The following DACH2 variants were observed in gnomAD, a reference collection of about 807,000 sequenced individuals.
DACH2 encodes the protein dachshund family transcription factor 2.
DACH2 carries 17 observed loss-of-function variants against 35.8 expected under a neutral mutation model. That is an observed-to-expected ratio of 0.48 (90% CI 0.33 to 0.71). The LOEUF (loss-of-function observed/expected upper bound fraction) is 0.71. Among genes scored for constraint, DACH2 ranks in the 30% least tolerant of loss-of-function variants. The probability of loss-of-function intolerance (pLI) is 0.02; values close to 1 mark genes in which losing one functional copy is unlikely to be tolerated. For missense variants in DACH2, 469 were observed against 472.7 expected, an observed-to-expected ratio of 0.99 and a Z score of 0.07; for synonymous variants, 195 against 177.3, an observed-to-expected ratio of 1.10 and a Z score of -0.79.
chrX:86,727,816 T>A (rs1488290914), intron 6 of DACH2, among the ~76,000 whole-genome samples: 1 of 111,914 alleles, frequency 8.9e-6, no homozygotes, highest in Non-Finnish European at 1.9e-5. Flanking sequence ...TGCAGACCCA[T>A]GAGCCAATTA....
intron 4 of DACH2, among the ~76,000 whole-genome samples, chrX:86,675,024 A>G (rs2148427907): frequency 9.0e-6 from 1 of 111,713 alleles, no homozygotes; most frequent in African/African-American, 3.2e-5. Flanking sequence ...CTCAAGAACT[A>G]AAAGATTATC....
At chrX:86,587,754 C>T (rs1569447448) in intron 3 of DACH2, among the ~76,000 whole-genome samples, 1 of 111,399 alleles carries the variant, frequency 9.0e-6, no homozygotes, top group Admixed American at 9.6e-5. Context: ...ATTTAAGTTT[C>T]AGATTAGGGA....
At chrX:86,230,223 G>T (rs1003444114) in intron 1 of DACH2, among the ~76,000 whole-genome samples, 1 of 110,896 alleles carries the variant, frequency 9.0e-6, no homozygotes, top group African/African-American at 3.3e-5. Context: ...AGATGATCAC[G>T]TGATTTTTGT....
intron 7 of DACH2, among the ~76,000 whole-genome samples, chrX:86,773,581 A>G (rs2147298081): frequency 8.9e-6 from 1 of 112,227 alleles, no homozygotes; most frequent in East Asian, 2.8e-4. Flanking sequence ...ATTTAAATTT[A>G]TACCTTTAAC....
intron 2 of DACH2, among the ~76,000 whole-genome samples, chrX:86,389,198 G>C (rs1213591814): frequency 8.9e-6 from 1 of 111,913 alleles, no homozygotes; most frequent in African/African-American, 3.2e-5. Flanking sequence ...TGATTGAAAT[G>C]AATAGATGGA....
chrX:86,438,156 A>C (rs1221087993), intron 2 of DACH2, among the ~76,000 whole-genome samples: 5 of 102,595 alleles, frequency 4.9e-5, no homozygotes, highest in Non-Finnish European at 9.8e-5. Context: ...TTCCTTCATT[A>C]GTTTGCTTAG....
At chrX:86,676,715 C>A in intron 4 of DACH2, among the ~76,000 whole-genome samples, 1 of 111,630 alleles carries the variant, frequency 9.0e-6, no homozygotes, top group East Asian at 2.8e-4. Context: ...CATAAAGAGT[C>A]CTCATACTGC....
chrX:86,821,042 CAA>C (rs1382810863), intron 11 of DACH2, among the ~76,000 whole-genome samples: 1 of 111,273 alleles, frequency 9.0e-6, no homozygotes, highest in Admixed American at 9.6e-5. Flanking sequence ...TGTGATATGA[CAA>C]GAGAAACTAA....
intron 1 of DACH2, among the ~76,000 whole-genome samples, chrX:86,343,291 G>A (rs2035443206): frequency 9.0e-6 from 1 of 111,580 alleles, no homozygotes; most frequent in African/African-American, 3.3e-5. Context: ...TAATTTACAA[G>A]TTATCGAAAG....
At chrX:86,520,182 A>G (rs939084510) in intron 3 of DACH2, among the ~76,000 whole-genome samples, 2 of 111,770 alleles carry the variant, frequency 1.8e-5, no homozygotes, top group Non-Finnish European at 3.8e-5. Flanking sequence ...ATTCAGGAGC[A>G]TGTTGCTTAA....
intron 2 of DACH2, among the ~76,000 whole-genome samples, chrX:86,469,427 T>A (rs1193410493): frequency 2.7e-5 from 3 of 111,259 alleles, no homozygotes; most frequent in African/African-American, 9.8e-5. Context: ...AATGTATATT[T>A]AAAATATTAC....
At chrX:86,254,920 A>G (rs1254402020) in intron 1 of DACH2, among the ~76,000 whole-genome samples, 1 of 106,458 alleles carries the variant, frequency 9.4e-6, no homozygotes, top group Non-Finnish European at 1.9e-5. Context: ...TTTCTGAGAT[A>G]AAGTTGAAAA....
chrX:86,767,612 G>A (rs772044120), intron 7 of DACH2, among the ~76,000 whole-genome samples: 1 of 112,214 alleles, frequency 8.9e-6, no homozygotes, highest in East Asian at 2.8e-4. Context: ...ATTTGCCACT[G>A]TGTATATTCT....
intron 2 of DACH2, among the ~76,000 whole-genome samples, chrX:86,436,081 CATTA>C (rs1249884387): frequency 2.7e-5 from 3 of 109,658 alleles, no homozygotes; most frequent in African/African-American, 6.6e-5. Flanking sequence ...ATCTATAATT[CATTA>C]ATTAACACGT....
At chrX:86,617,098 T>C (rs1255091826) in intron 3 of DACH2, among the ~76,000 whole-genome samples, 7 of 111,590 alleles carry the variant, frequency 6.3e-5, no homozygotes, top group Non-Finnish European at 1.3e-4. Context: ...TCTGGGCTCT[T>C]TATTCTATTC....
At chrX:86,821,407 A>T (rs774012935) in intron 11 of DACH2, among the ~76,000 whole-genome samples, 1 of 111,447 alleles carries the variant, frequency 9.0e-6, no homozygotes, top group African/African-American at 3.3e-5. Context: ...AATGACAATG[A>T]TACAATGGGA....
chrX:86,364,489 G>T (rs1420829857), intron 1 of DACH2, among the ~76,000 whole-genome samples: 1 of 111,460 alleles, frequency 9.0e-6, no homozygotes, highest in Non-Finnish European at 1.9e-5. Context: ...GAAATTCCTT[G>T]ATTGCGGTGT....
At chrX:86,677,620 G>A (rs1199330192) in intron 4 of DACH2, among the ~76,000 whole-genome samples, 1 of 112,036 alleles carries the variant, frequency 8.9e-6, no homozygotes, top group Non-Finnish European at 1.9e-5. Flanking sequence ...TCAGTAATTA[G>A]GACATTAAGA....
chrX:86,302,283 T>C, intron 1 of DACH2, among the ~76,000 whole-genome samples: 1 of 111,411 alleles, frequency 9.0e-6, no homozygotes. Context: ...TGGCTAATAA[T>C]AGGTTTATGC....
Sources: allele counts gnomAD v4.1 joint callset (sites outside exome capture counted in the v4.1 genomes callset), GRCh38; gene constraint gnomAD v4.1.1; transcripts MANE v1.5; gene names NCBI Gene and HGNC (gene_info 2026-07-23, HGNC 2026-07-21).